Variants in EAF2 observed in about 807,000 individuals in gnomAD.
EAF2 encodes ELL-associated factor 2.
Under a neutral mutation model 29.4 loss-of-function variants are expected in EAF2, and 29 were observed. That is an observed-to-expected ratio of 0.99 (90% CI 0.73 to 1.35). The LOEUF (loss-of-function observed/expected upper bound fraction) is 1.35, where lower values mean the gene tolerates loss of function less well. Among genes scored for constraint, EAF2 ranks in the 40% most tolerant of loss-of-function variants. The pLI is 0.00. For missense variants in EAF2, 292 were observed against 312.0 expected (o/e 0.94, Z 0.48); for synonymous variants, 103 against 102.5 (o/e 1.00, Z -0.03).
intron 1 of EAF2, among the ~76,000 whole-genome samples, chr3:121,840,491 AAAAAAAAAAAAAAAAAAG>A (rs1422660373): frequency 4.8e-5 from 4 of 83,584 alleles, no homozygotes; most frequent in Middle Eastern, 5.7e-3. Context: ...CTTCGTCTAA[AAAAAAAAAAAAAAAAAAG>A]AAAAAAAAAA....
At chr3:121,851,352 T>TG (rs11409370) in intron 2 of EAF2, among the ~76,000 whole-genome samples, 1 of 83,126 alleles carries the variant, frequency 1.2e-5, no homozygotes. Flanking sequence ...TAATTTTTAG[T>TG]TTTTTTTTTG....
At position 121,845,673 on chromosome 3, in the gene EAF2, C is replaced by T. The variant is rs368980791; in HGVS notation, c.201+1126C>T. On this transcript the variant is annotated intron_variant, in intron 2 of 5. Coordinates refer to ENST00000273668, the MANE Select transcript of EAF2 (RefSeq NM_018456.6). ...TTAGAAAATCTCTTTCTTTTTAAAA[C>T]CACTCCTCAAACTCTGGCTGAAAGT... Among the ~76,000 whole-genome samples, 7 of 151,712 alleles carry T rather than the reference C, an allele frequency of 4.6e-5. No homozygotes were observed. The East Asian group carries it at 5.8e-4, about 13-fold the overall frequency.
intron 2 of EAF2, among the ~76,000 whole-genome samples, chr3:121,848,933 CA>C (rs1708580829): frequency 6.6e-6 from 1 of 152,012 alleles, no homozygotes; most frequent in Non-Finnish European, 1.5e-5. Context: ...CACCATCTGT[CA>C]AAAGCAAATA....
chr3:121,859,332 C>T (rs541308402), intron 4 of EAF2, among the ~76,000 whole-genome samples: 1 of 152,084 alleles, frequency 6.6e-6, no homozygotes, highest in East Asian at 1.9e-4. Flanking sequence ...TGTTTGTGTC[C>T]TCTTTTATTT....
At chr3:121,835,491 T>A in intron 1 of EAF2, 100 bp downstream of exon 1, 1 of 1,038,076 alleles carries the variant, frequency 9.6e-7, no homozygotes, top group Non-Finnish European at 1.4e-6. Context: ...CCCCTTACAC[T>A]GTTGGAGACT....
intron 1 of EAF2, among the ~76,000 whole-genome samples, chr3:121,837,086 T>A (rs529093181): frequency 6.6e-6 from 1 of 152,284 alleles, no homozygotes; most frequent in East Asian, 1.9e-4. Flanking sequence ...ATGACAATAA[T>A]AAATAAACAA....
At position 121,835,223 on chromosome 3, in the gene EAF2, C is replaced by T; in HGVS notation, c.-63C>T. On this transcript the variant is annotated 5_prime_UTR_variant, in exon 1 of 6. Transcript: ENST00000273668. Reference sequence around the variant, plus strand: ...CTGGCGGGATCAAGTGCAGCTGCTTCAGGCTGAGGTGGCAGATAGTGAGCG... The same window carrying T: ...CTGGCGGGATCAAGTGCAGCTGCTTTAGGCTGAGGTGGCAGATAGTGAGCG... The T allele has an allele frequency of 6.6e-7, 1 of 1,514,858 alleles. No homozygotes were observed. Among genetic ancestry groups the T allele is most frequent in the Non-Finnish European group, 9.2e-7 (1 of 1,090,558 alleles). 93.8% of individuals were successfully genotyped at this position (1,514,858 alleles called of 1,614,324 possible). A position where few individuals can be genotyped will look rare whatever the true frequency, so the allele number is the denominator to read the frequency against.
intron 1 of EAF2, among the ~76,000 whole-genome samples, chr3:121,840,306 C>G (rs1336617390): frequency 6.7e-6 from 1 of 148,526 alleles, no homozygotes; most frequent in East Asian, 2.0e-4. Context: ...GCCTGAACAA[C>G]ATGGAGAAAG....
At chr3:121,837,174 ATTG>A (rs916123572) in intron 1 of EAF2, among the ~76,000 whole-genome samples, 21 of 152,292 alleles carry the variant, frequency 1.4e-4, no homozygotes, top group African/African-American at 4.8e-4. Context: ...ATTTTCTTTT[ATTG>A]TTGTTGTTGA....
rs570207842 is a variant in EAF2 at position 121,868,717 on chromosome 3, G to A, written c.485-3820G>A. On this transcript the variant is annotated intron_variant, in intron 4 of 5. Coordinates refer to ENST00000273668, the MANE Select transcript of EAF2 (RefSeq NM_018456.6). ...ACAACTGAACTGAACTGAGAAAAAC[G>A]TGAAGCAAAAACTGCTAGAACTGAA... Among the ~76,000 whole-genome samples, 6 of 152,292 alleles carry A rather than the reference G, an allele frequency of 3.9e-5. No individual in the cohort carries two copies. The East Asian group carries it at 9.6e-4, about 24-fold the overall frequency.
intron 1 of EAF2, among the ~76,000 whole-genome samples, chr3:121,840,696 A>G (rs1448632658): frequency 6.9e-6 from 1 of 145,868 alleles, no homozygotes; most frequent in Non-Finnish European, 1.5e-5. Flanking sequence ...GGTCCCAGCC[A>G]TTCGGGAGGC....
intron 5 of EAF2, 178 bp downstream of exon 5, chr3:121,872,966 T>C (rs1396510484): frequency 5.1e-6 from 5 of 990,020 alleles, no homozygotes; most frequent in Non-Finnish European, 7.6e-6. Context: ...AATGCCTTCT[T>C]GGTTTTTCTC....
intron 3 of EAF2, among the ~76,000 whole-genome samples, chr3:121,856,251 A>T (rs1708714391): frequency 6.6e-6 from 1 of 151,812 alleles, no homozygotes; most frequent in East Asian, 1.9e-4. Context: ...CGTACCTGTT[A>T]TACACTTATA....
chr3:121,839,330 G>A (rs948843459), intron 1 of EAF2, among the ~76,000 whole-genome samples: 2 of 152,134 alleles, frequency 1.3e-5, no homozygotes, highest in South Asian at 4.1e-4. Context: ...TTCATCCTCC[G>A]TGTGACTATG....
At chr3:121,872,158 T>C (rs549697317) in intron 4 of EAF2, among the ~76,000 whole-genome samples, 1 of 152,058 alleles carries the variant, frequency 6.6e-6, no homozygotes, top group East Asian at 1.9e-4. Flanking sequence ...TCTGTTACAT[T>C]ATCACATTAT....
intron 2 of EAF2, among the ~76,000 whole-genome samples, chr3:121,851,141 A>C (rs1189770452): frequency 6.6e-6 from 1 of 151,996 alleles, no homozygotes; most frequent in Non-Finnish European, 1.5e-5. Flanking sequence ...TATGGTTAAG[A>C]GTCCTTTTAT....
intron 5 of EAF2, among the ~76,000 whole-genome samples, chr3:121,877,801 C>T (rs546254792): frequency 1.9e-4 from 29 of 152,060 alleles, no homozygotes; most frequent in Admixed American, 8.5e-4. Context: ...GATGGAGTCT[C>T]GCTTTGTTTC....
intron 5 of EAF2, among the ~76,000 whole-genome samples, chr3:121,879,362 T>C (rs562340386): frequency 1.3e-5 from 2 of 152,254 alleles, no homozygotes; most frequent in East Asian, 3.9e-4. Flanking sequence ...GATTGTTTCT[T>C]TTGTTGTGCA....
chr3:121,838,058 T>A (rs1254579126), intron 1 of EAF2, among the ~76,000 whole-genome samples: 1 of 152,108 alleles, frequency 6.6e-6, no homozygotes, highest in Non-Finnish European at 1.5e-5. Flanking sequence ...TCCCGGAAAA[T>A]AAACTGATGA....
Sources: gnomAD v4.1 joint callset for allele counts (sites outside exome capture counted in the v4.1 genomes callset) on GRCh38, gnomAD v4.1.1 for gene constraint, MANE v1.5 for transcripts, NCBI Gene and HGNC (gene_info 2026-07-23, HGNC 2026-07-21) for gene names.